The following STX5 variants were observed in gnomAD, a reference collection of about 807,000 sequenced individuals.
The protein encoded by STX5 is syntaxin-5.
Under a neutral mutation model 42.9 loss-of-function variants are expected in STX5, and 15 were observed. That is an observed-to-expected ratio of 0.35 (90% CI 0.23 to 0.54). STX5 has a LOEUF of 0.54. Among genes scored for constraint, STX5 ranks in the 20% least tolerant of loss-of-function variants. The pLI is 0.91. For missense variants in STX5, 430 were observed against 455.0 expected (o/e 0.95, Z 0.50); for synonymous variants, 184 against 173.2 (o/e 1.06, Z -0.49).
chr11:62,813,609 A>G (rs898441760), intron 10 of STX5, among the ~76,000 whole-genome samples: 9 of 152,220 alleles, frequency 5.9e-5, no homozygotes, highest in African/African-American at 2.2e-4. Flanking sequence ...TCAGTTTCAC[A>G]TGATCAACAA....
At chr11:62,820,385 G>A (rs1382181346) in intron 10 of STX5, among the ~76,000 whole-genome samples, 5 of 151,388 alleles carry the variant, frequency 3.3e-5, no homozygotes, top group South Asian at 2.1e-4. Flanking sequence ...AAAAAAGGGC[G>A]GAATCTGGCC....
intron 10 of STX5, among the ~76,000 whole-genome samples, chr11:62,814,295 A>T (rs952557204): frequency 2.6e-5 from 4 of 152,096 alleles, no homozygotes; most frequent in African/African-American, 9.7e-5. Flanking sequence ...CCTCCCAAGT[A>T]GCTAGCATTA....
chr11:62,811,332 C>G (rs1292248582), intron 10 of STX5, among the ~76,000 whole-genome samples: 1 of 152,196 alleles, frequency 6.6e-6, no homozygotes, highest in Non-Finnish European at 1.5e-5. Flanking sequence ...ACTCAGCACA[C>G]CCAGAACAAA....
chr11:62,824,095 T>A, intron 10 of STX5, 71 bp downstream of exon 10: 1 of 1,608,936 alleles, frequency 6.2e-7, no homozygotes, highest in East Asian at 2.2e-5. Context: ...AAGCAGTCCC[T>A]GGGGACTTTA....
chr11:62,824,625 A>G (rs992216741), intron 8 of STX5, 60 bp from the exon 9 acceptor site: 6 of 1,526,626 alleles, frequency 3.9e-6, no homozygotes, highest in Non-Finnish European at 5.4e-6. Context: ...CAAAGCCCAC[A>G]TGCTCTGGGT....
chr11:62,818,808 C>A (rs1347578412), intron 10 of STX5, among the ~76,000 whole-genome samples: 1 of 149,788 alleles, frequency 6.7e-6, no homozygotes, highest in African/African-American at 2.5e-5. Context: ...CGTGCCACTG[C>A]ACTCCAGCAT....
intron 10 of STX5, 148 bp from the exon 11 acceptor site, chr11:62,807,776 C>G (rs780324866): frequency 2.1e-6 from 3 of 1,400,196 alleles, no homozygotes; most frequent in Non-Finnish European, 2.8e-6. Flanking sequence ...TGGAAGGGTA[C>G]TATAAACAAG....
Position 62,807,591 on chromosome 11 carries a change from C to T in STX5, c.946G>A (p.Glu316Lys), listed in dbSNP as rs1175699642. The change falls in exon 11 of 11, where the codon GAG becomes AAG. Residue 316 changes from glutamate to lysine, a missense_variant. Coordinates refer to ENST00000294179, the MANE Select transcript of STX5 (RefSeq NM_003164.5). Reference sequence around the variant, plus strand: ...TTGAGGATCTCTGAATGGGCGGCCTCAACGTCCAGCTGGGCTCCTAGCACG... The same window carrying T: ...TTGAGGATCTCTGAATGGGCGGCCTTAACGTCCAGCTGGGCTCCTAGCACG... ...ENVLGAQLDV[E>K]AAHSEILKYF... 1.9e-6 allele frequency: 3 copies of T among 1,614,164 alleles called. No homozygotes were observed. The highest frequency in any genetic ancestry group is 1.3e-5 in the African/African-American group (1 of 75,052).
intron 10 of STX5, among the ~76,000 whole-genome samples, chr11:62,811,375 T>G (rs373572333): frequency 1.4e-4 from 21 of 152,242 alleles, no homozygotes; most frequent in Middle Eastern, 3.4e-3. Context: ...TCCGCTTGCT[T>G]CTTCTTATGT....
In STX5 at chr11:62,808,452, C is replaced by CA. The variant is rs1338699931; in HGVS notation, c.909-825dup. On this transcript the variant is annotated intron_variant, in intron 10 of 10. Transcript: ENST00000294179. ...CAGGGGGAAAAAAAAAAAAAAACAC[C>CA]AAAAAAAAAGGTATATGGACCCTAG... Among the ~76,000 whole-genome samples the CA allele has an allele frequency of 3.7e-4, 54 of 147,098 alleles. 1 individual carries two copies. The highest frequency in any genetic ancestry group is 2.4e-3 in the East Asian group (12 of 5,028).
At chr11:62,827,695 T>C in intron 2 of STX5, 64 bp from the exon 3 acceptor site, 1 of 1,557,692 alleles carries the variant, frequency 6.4e-7, no homozygotes, top group Non-Finnish European at 8.8e-7. Context: ...GCTTTCACTC[T>C]TCCTGAGGTG....
rs921784008 is a variant in STX5 at position 62,831,340 on chromosome 11, C to T, written c.-19-78G>A. 6.6e-6 allele frequency: 7 copies of T among 1,064,964 alleles called. No homozygotes were observed. In the African/African-American group the frequency reaches 7.9e-5, roughly 12 times the overall value. 66.0% of individuals were successfully genotyped at this position (1,064,964 alleles called of 1,614,324 possible). On this transcript the variant is annotated intron_variant, in intron 1 of 10. Coordinates refer to ENST00000294179, the MANE Select transcript of STX5 (RefSeq NM_003164.5). Reference sequence around the variant, plus strand: ...CCCCGCCCCACCCCAATCAACAAATCCCCGAGCCCCTTCTGCACTTCTCGT... The same window carrying T: ...CCCCGCCCCACCCCAATCAACAAATTCCCGAGCCCCTTCTGCACTTCTCGT...
rs561433506 is a variant in STX5, at chr11:62,809,844, C to T, written c.909-2216G>A. Among the ~76,000 whole-genome samples the T allele has an allele frequency of 2.0e-5, 3 of 151,926 alleles. No individual in the cohort carries two copies. The East Asian group carries it at 5.8e-4, about 29-fold the overall frequency. On this transcript the variant is annotated intron_variant, in intron 10 of 10. Coordinates refer to ENST00000294179, the MANE Select transcript of STX5 (RefSeq NM_003164.5). ...AAAGGCTGAATGTGGTGGCTCACGCCGATAATCCCAGCACTCTGGGAGGCT... is the reference window on the plus strand; with the variant it reads ...AAAGGCTGAATGTGGTGGCTCACGCTGATAATCCCAGCACTCTGGGAGGCT...
In STX5 at chr11:62,807,495, T is replaced by A. The variant is rs370676151; in HGVS notation, c.1042A>T (p.Ile348Phe). The A allele has an allele frequency of 1.1e-5, 17 of 1,613,980 alleles. No individual in the cohort carries two copies. The highest frequency in any genetic ancestry group is 2.2e-5 in the East Asian group (1 of 44,870). The change falls in exon 11 of 11, where the codon ATC (isoleucine) becomes TTC (phenylalanine). Residue 348 changes from isoleucine to phenylalanine, a missense_variant. Coordinates refer to ENST00000294179, the MANE Select transcript of STX5 (RefSeq NM_003164.5). ...KIFLILIVFF[I>F]IFVVFLA ...CAAGCAAGGAAGACCACAAAGATGA[T>A]GAAGAAGACAATGAGGATGAGGAAG...
chr11:62,830,003 T>C (rs1226856993), intron 2 of STX5, among the ~76,000 whole-genome samples: 1 of 145,572 alleles, frequency 6.9e-6, no homozygotes, highest in South Asian at 2.1e-4. Flanking sequence ...AAGAGGAGGT[T>C]GCAGTGAGCC....
At chr11:62,818,938 G>T (rs915928324) in intron 10 of STX5, among the ~76,000 whole-genome samples, 1 of 151,942 alleles carries the variant, frequency 6.6e-6, no homozygotes, top group Non-Finnish European at 1.5e-5. Context: ...ATGAAGGTGA[G>T]GCCGGGTGCG....
intron 5 of STX5, among the ~76,000 whole-genome samples, chr11:62,826,072 G>A (rs1041640130): frequency 5.3e-5 from 8 of 152,172 alleles, no homozygotes; most frequent in Non-Finnish European, 2.9e-5. Context: ...GGCCAACATG[G>A]TGAAATGCCA....
At position 62,825,137 on chromosome 11, in the gene STX5, C is replaced by G. The variant is rs1411262977; in HGVS notation, c.598-20G>C. 1.2e-6 allele frequency: 2 copies of G among 1,612,486 alleles called. No individual in the cohort carries two copies. Among genetic ancestry groups the G allele is most frequent in the South Asian group, 2.2e-5 (2 of 91,082 alleles). On this transcript the variant is annotated intron_variant, in intron 7 of 10. Coordinates refer to ENST00000294179, the MANE Select transcript of STX5 (RefSeq NM_003164.5). ...CAGGTTCTGGGGTTGGGGAAAAACG[C>G]AAAGGACCTGAAGCCACTAGAAAGC...
At chr11:62,807,898 C>T (rs1198282355) in intron 10 of STX5, 6 of 474,198 alleles carry the variant, frequency 1.3e-5, no homozygotes, top group East Asian at 3.7e-5. Flanking sequence ...CCAAACCCTA[C>T]CTTCTCTCAG....
Sources: gnomAD v4.1 joint callset for allele counts (sites outside exome capture counted in the v4.1 genomes callset) on GRCh38, gnomAD v4.1.1 for gene constraint, MANE v1.5 for transcripts, NCBI Gene and HGNC (gene_info 2026-07-23, HGNC 2026-07-21) for gene names.